The following ARHGAP22 variants were observed in gnomAD, a reference collection of about 807,000 sequenced individuals.
The protein encoded by ARHGAP22 is rho GTPase-activating protein 22.
In ARHGAP22, 48 loss-of-function variants were observed where a neutral mutation model predicts 59.1. That is an observed-to-expected ratio of 0.81 (90% CI 0.64 to 1.03). The LOEUF is 1.03. Among genes scored for constraint, ARHGAP22 ranks in the 50% least tolerant of loss-of-function variants. The probability of loss-of-function intolerance (pLI) is 0.00; values close to 1 mark genes in which losing one functional copy is unlikely to be tolerated. For missense variants in ARHGAP22, 1,015 were observed against 958.7 expected, an observed-to-expected ratio of 1.06 and a Z score of -0.78; for synonymous variants, 445 against 416.4, an observed-to-expected ratio of 1.07 and a Z score of -0.84.
intron 3 of ARHGAP22, among the ~76,000 whole-genome samples, chr10:48,505,957 C>T (rs140514185): frequency 6.6e-6 from 1 of 152,352 alleles, no homozygotes; most frequent in Non-Finnish European, 1.5e-5. Context: ...GCTAGTCACG[C>T]AGACATTTGT....
intron 1 of ARHGAP22, among the ~76,000 whole-genome samples, chr10:48,592,763 C>T (rs909104736): frequency 2.0e-5 from 3 of 152,216 alleles, no homozygotes; most frequent in Non-Finnish European, 4.4e-5. Context: ...CCACTCCTCC[C>T]AGGGTTCCCC....
chr10:48,565,442 C>T (rs992469669), intron 2 of ARHGAP22, among the ~76,000 whole-genome samples: 1 of 152,148 alleles, frequency 6.6e-6, no homozygotes, highest in East Asian at 1.9e-4. Context: ...TCCTCCTCTG[C>T]AATGTGGAGG....
chr10:48,516,456 G>C (rs372539158), intron 3 of ARHGAP22, among the ~76,000 whole-genome samples: 68 of 152,102 alleles, frequency 4.5e-4, no homozygotes, highest in African/African-American at 1.5e-3. Flanking sequence ...GGAGCCCAGA[G>C]GTTTGAAGCT....
chr10:48,644,837 C>T (rs901120017), intron 1 of ARHGAP22, among the ~76,000 whole-genome samples: 9 of 151,756 alleles, frequency 5.9e-5, no homozygotes, highest in Non-Finnish European at 1.2e-4. Flanking sequence ...AATCAATAAG[C>T]TAAGCTTTCA....
intron 3 of ARHGAP22, chr10:48,524,153 C>T (rs1308642101): frequency 1.6e-6 from 2 of 1,217,060 alleles, no homozygotes; most frequent in South Asian, 6.6e-5. Flanking sequence ...CGCCTGCCGC[C>T]TGCGCCCCGG....
intron 3 of ARHGAP22, among the ~76,000 whole-genome samples, chr10:48,484,370 C>T (rs1564743829): frequency 1.3e-5 from 2 of 152,178 alleles, no homozygotes; most frequent in African/African-American, 4.8e-5. Context: ...TGTACTATCC[C>T]TTTTATATAT....
intron 2 of ARHGAP22, among the ~76,000 whole-genome samples, chr10:48,576,056 T>C (rs76558720): frequency 0.059 from 8,974 of 152,302 alleles, 508 homozygotes; most frequent in East Asian, 0.29. Flanking sequence ...ATCCTGGGTG[T>C]GGCAGTGAAG....
chr10:48,633,581 G>T (rs2061701820), intron 1 of ARHGAP22, among the ~76,000 whole-genome samples: 1 of 152,180 alleles, frequency 6.6e-6, no homozygotes, highest in African/African-American at 2.4e-5. Context: ...TTACAATGAG[G>T]AAATGAAGCA....
intron 1 of ARHGAP22, among the ~76,000 whole-genome samples, chr10:48,629,752 A>T (rs2061567397): frequency 6.6e-6 from 1 of 152,210 alleles, no homozygotes; most frequent in Non-Finnish European, 1.5e-5. Context: ...TAGGATTTTG[A>T]TTGAGAATTC....
In ARHGAP22 at chr10:48,459,905, G is replaced by A. The variant is rs760697934; in HGVS notation, c.452-14C>T. ...GCCCAAAGATCCCTGAGCACAGAGA[G>A]GAGCTAGTCACACCCTCCACCACCC... is the stretch of plus-strand genomic sequence containing the variant. On this transcript the variant is annotated splice_polypyrimidine_tract_variant and intron_variant, in intron 4 of 9. Transcript: ENST00000249601. 73 of 1,608,796 alleles carry A rather than the reference G, an allele frequency of 4.5e-5. 1 individual carries two copies. In the South Asian group the frequency reaches 4.8e-4, roughly 11 times the overall value.
chr10:48,433,412 A>G, the ARHGAP22 span, among the ~76,000 whole-genome samples: 1 of 152,260 alleles, frequency 6.6e-6, no homozygotes, highest in Non-Finnish European at 1.5e-5. Context: ...GTACACAGAT[A>G]TACCATACTG....
Position 48,455,095 on chromosome 10 carries a change from C to T in ARHGAP22, c.699G>A (p.Leu233=), listed in dbSNP as rs773839704. Residue 233 remains leucine (L), a synonymous_variant, in exon 6 of 10, where the codon CTG becomes CTA. Transcript: ENST00000249601. The part of the protein sequence containing the change: ...DVHTVASLLK[L]YLRELPEPVV... The stretch of plus-strand genomic sequence containing the variant: ...CGGGCTCGGGGAGCTCCCGCAGGTA[C>T]AGCTTCAGCAGGGAGGCCACCGTGT... The T allele has an allele frequency of 3.1e-6, 5 of 1,611,978 alleles. No individual in the cohort carries two copies. The Admixed American group carries it at 5.0e-5, about 16-fold the overall frequency.
chr10:48,536,213 C>A (rs1230011998), intron 3 of ARHGAP22, among the ~76,000 whole-genome samples: 1 of 152,166 alleles, frequency 6.6e-6, no homozygotes, highest in Non-Finnish European at 1.5e-5. Flanking sequence ...ACTGGGTTGC[C>A]CCAGGATGAT....
chr10:48,432,132 G>C, the ARHGAP22 span, among the ~76,000 whole-genome samples: 1 of 152,184 alleles, frequency 6.6e-6, no homozygotes, highest in Non-Finnish European at 1.5e-5. Flanking sequence ...GTTGTATGAA[G>C]GAGGTGAAAT....
rs117739113 is a variant in ARHGAP22 at position 48,520,707 on chromosome 10, G to A, written c.322+34756C>T. On this transcript the variant is annotated intron_variant, in intron 3 of 9. Transcript: ENST00000249601. ...TGACGGGAGGGAGGGTGAGGATGTCGGGAAGAGCATGGGACCTGGTCATGG... is the reference window on the plus strand; with the variant it reads ...TGACGGGAGGGAGGGTGAGGATGTCAGGAAGAGCATGGGACCTGGTCATGG... 4.5e-3 allele frequency among the ~76,000 whole-genome samples: 687 copies of A among 152,192 alleles called. 2 individuals carry two copies. The highest frequency in any genetic ancestry group is 6.8e-3 in the Non-Finnish European group (465 of 67,988).
intron 3 of ARHGAP22, among the ~76,000 whole-genome samples, chr10:48,539,611 T>C (rs1358065635): frequency 2.0e-5 from 3 of 152,244 alleles, no homozygotes; most frequent in Admixed American, 1.3e-4. Flanking sequence ...ACATTTATAT[T>C]TCACAGATTT....
At chr10:48,511,980 C>T (rs1741104120) in intron 3 of ARHGAP22, among the ~76,000 whole-genome samples, 1 of 152,254 alleles carries the variant, frequency 6.6e-6, no homozygotes, top group Non-Finnish European at 1.5e-5. Flanking sequence ...ACTTAGTGGG[C>T]AGGGAGGAGG....
chr10:48,453,959 G>T lies in ARHGAP22; in HGVS notation c.866+129C>A, dbSNP rs551406767. ...CTCCCTGCTTCGTCCACGCTGGGTT[G>T]AGGCTGTGCAGGGTGGGGAATGACC... On this transcript the variant is annotated intron_variant, in intron 7 of 9. Coordinates refer to ENST00000249601, the MANE Select transcript of ARHGAP22 (RefSeq NM_021226.4). 26 of 954,130 alleles carry T rather than the reference G, an allele frequency of 2.7e-5. No homozygotes were observed. The African/African-American group carries it at 4.2e-4, about 15-fold the overall frequency. 59.1% of individuals were successfully genotyped at this position (954,130 alleles called of 1,614,324 possible).
chr10:48,453,797 G>A (rs560708825), intron 7 of ARHGAP22, among the ~76,000 whole-genome samples: 29 of 152,300 alleles, frequency 1.9e-4, no homozygotes, highest in African/African-American at 6.3e-4. Flanking sequence ...GGCAGATGCC[G>A]GGGGGACAGG....
Sources: gnomAD v4.1 joint callset for allele counts (sites outside exome capture counted in the v4.1 genomes callset) on GRCh38, gnomAD v4.1.1 for gene constraint, MANE v1.5 for transcripts, NCBI Gene and HGNC (gene_info 2026-07-23, HGNC 2026-07-21) for gene names.